The following KNDC1 variants were observed in gnomAD, a reference collection of about 807,000 sequenced individuals.
The protein encoded by KNDC1 is kinase non-catalytic C-lobe domain-containing protein 1.
A neutral mutation model predicts 172.8 loss-of-function variants in KNDC1; 106 were observed. That is an observed-to-expected ratio of 0.61 (90% CI 0.52 to 0.72). The LOEUF (loss-of-function observed/expected upper bound fraction) is 0.72. KNDC1 is among the 30% of genes least tolerant of loss of function. The pLI, the probability that KNDC1 is intolerant of heterozygous loss-of-function variation, is 0.00. For synonymous variants in KNDC1, 1,083 were observed against 1,062.2 expected (o/e 1.02, Z -0.38); for missense variants, 2,325 against 2,394.5 (o/e 0.97, Z 0.61).
At chr10:133,185,419 G>A (rs35630492) in intron 5 of KNDC1, among the ~76,000 whole-genome samples, 25 of 73,922 alleles carry the variant, frequency 3.4e-4, no homozygotes, top group East Asian at 4.9e-4. Flanking sequence ...TGTGCAGTGT[G>A]GAGTAGGCAG....
chr10:133,221,573 C>T (rs1319070062), intron 29 of KNDC1, among the ~76,000 whole-genome samples: 2 of 152,232 alleles, frequency 1.3e-5, no homozygotes, highest in Non-Finnish European at 2.9e-5. Flanking sequence ...GGAGGCTGCC[C>T]AGGCCACGGC....
rs772543348 is a variant in KNDC1, at chr10:133,212,702, G to A, written c.4237-14G>A. On this transcript the variant is annotated splice_polypyrimidine_tract_variant and intron_variant, in intron 23 of 29. Transcript: ENST00000304613. ...ACGGAGCTTAGGCCCCTCAGTGCCC[G>A]GCCTGCCCTGCAGAGCTTCCCCTGG... 19 of 1,610,248 alleles carry A rather than the reference G, an allele frequency of 1.2e-5. No individual in the cohort carries two copies. The highest frequency in any genetic ancestry group is 8.3e-5 in the Admixed American group (5 of 59,908).
chr10:133,183,761 T>C, intron 4 of KNDC1, 111 bp from the exon 5 acceptor site: 4 of 913,606 alleles, frequency 4.4e-6, no homozygotes, highest in South Asian at 1.7e-5. Context: ...GCAGGCAGGC[T>C]CTGGGGACTG....
chr10:133,169,333 G>A (rs760494574), intron 3 of KNDC1, among the ~76,000 whole-genome samples: 11 of 152,152 alleles, frequency 7.2e-5, no homozygotes, highest in African/African-American at 2.2e-4. Flanking sequence ...AGTGGTGCAC[G>A]CCTGTGGTCC....
rs754627990 is a variant in KNDC1, at chr10:133,183,406, A to G, written c.423A>G (p.Thr141=). 1 of 1,603,370 alleles carries G rather than the reference A, an allele frequency of 6.2e-7. No individual in the cohort carries two copies. Among genetic ancestry groups the G allele is most frequent in the African/African-American group, 1.3e-5 (1 of 74,964 alleles). The part of the protein sequence containing the change: ...KAALEYVAEP[T]LEPRLSQDLE... ...CCCTCGAGTACGTGGCAGAGCCCACACTGGAACCCAGGCTGAGCCAAGACC... is the reference window on the plus strand; with the variant it reads ...CCCTCGAGTACGTGGCAGAGCCCACGCTGGAACCCAGGCTGAGCCAAGACC... The change falls in exon 4 of 30, where the codon ACA becomes ACG. Residue 141 remains threonine, a synonymous_variant. Transcript: ENST00000304613.
At chr10:133,223,591 G>A (rs77686897) in intron 29 of KNDC1, among the ~76,000 whole-genome samples, 5 of 69,060 alleles carry the variant, frequency 7.2e-5, no homozygotes, top group Admixed American at 1.4e-4. Context: ...TCTTCCCGGC[G>A]TGTGTGTGTG....
At position 133,189,455 on chromosome 10, in the gene KNDC1, GCGTGCACTGGCAGGTGCGTGCC is replaced by G. The variant is rs999813752; in HGVS notation, c.1442-136_1442-115del. 9 of 744,042 alleles carry G rather than the reference GCGTGCACTGGCAGGTGCGTGCC, an allele frequency of 1.2e-5. No homozygotes were observed. The African/African-American group carries it at 1.4e-4, about 11-fold the overall frequency. 46.1% of individuals were successfully genotyped at this position (744,042 alleles called of 1,614,324 possible). Reference sequence around the variant, plus strand: ...CCCGGGGGCTGGGGTCAGGCCATGTGCGTGCACTGGCAGGTGCGTGCCCGTGCAATGGGGAGGCTGGGGGGCT... The same window carrying G: ...CCCGGGGGCTGGGGTCAGGCCATGTGCGTGCAATGGGGAGGCTGGGGGGCT... On this transcript the variant is annotated intron_variant, in intron 7 of 29. Coordinates refer to ENST00000304613, the MANE Select transcript of KNDC1 (RefSeq NM_152643.8).
At chr10:133,183,007 G>T (rs1853769183) in intron 3 of KNDC1, among the ~76,000 whole-genome samples, 4 of 151,404 alleles carry the variant, frequency 2.6e-5, no homozygotes, top group Non-Finnish European at 5.9e-5. Context: ...CAGGCGGCAA[G>T]GGCATGGGTG....
At position 133,195,735 on chromosome 10, in the gene KNDC1, G is replaced by T. The variant is rs149716790; in HGVS notation, c.1648G>T (p.Ala550Ser). ...KFSVPRNHKL[A>S]LPRRLKTLLL... ...CAGCGTCCCCCGCAACCACAAGCTG[G>T]CCCTGCCACGCAGGCTCAAGACCCT... Residue 550 changes from alanine to serine, a missense_variant, in exon 10 of 30, where the codon GCC becomes TCC. Coordinates refer to ENST00000304613, the MANE Select transcript of KNDC1 (RefSeq NM_152643.8). 1,374 of 1,611,986 alleles carry T rather than the reference G, an allele frequency of 8.5e-4. 15 individuals carry two copies. The African/African-American group carries it at 0.017, about 20-fold the overall frequency.
chr10:133,222,369 G>A (rs61860639), intron 29 of KNDC1, among the ~76,000 whole-genome samples: 50,282 of 149,418 alleles, frequency 0.34, 9,566 homozygotes, highest in Middle Eastern at 0.48. Flanking sequence ...GTCCACGTGC[G>A]TATGTGAGCG....
At chr10:133,191,208 ACG>A (rs1358754418) in intron 9 of KNDC1, among the ~76,000 whole-genome samples, 1 of 120,770 alleles carries the variant, frequency 8.3e-6, no homozygotes, top group Non-Finnish European at 1.8e-5. Context: ...GTGTGGTGGC[ACG>A]TGCCTGTAAT....
At position 133,183,306 on chromosome 10, in the gene KNDC1, G is replaced by A. The variant is rs370457700; in HGVS notation, c.361-38G>A. 38 of 1,555,420 alleles carry A rather than the reference G, an allele frequency of 2.4e-5. No individual in the cohort carries two copies. In the African/African-American group the frequency reaches 3.7e-4, roughly 15 times the overall value. On this transcript the variant is annotated intron_variant, in intron 3 of 29. Coordinates refer to ENST00000304613, the MANE Select transcript of KNDC1 (RefSeq NM_152643.8). The stretch of plus-strand genomic sequence containing the variant: ...TGGCCGCGGTCGGGGTGGCGCACAC[G>A]CAGAGACTCTGGAGCTGACAGCCTG...
Position 133,199,148 on chromosome 10 carries a change from T to C in KNDC1, c.2640T>C (p.Asp880=), listed in dbSNP as rs3008388. 732,856 of 1,586,990 alleles carry C rather than the reference T, an allele frequency of 0.46. 175,211 individuals are homozygous for C. Among genetic ancestry groups the C allele is most frequent in the East Asian group, 0.63 (26,757 of 42,614 alleles). ...ADRRLCLPCV[D]ASPLPGRTAC... The stretch of plus-strand genomic sequence containing the variant: ...GGAGGCTCTGTCTGCCCTGCGTGGA[T>C]GCCTCGCCACTCCCAGGGAGGACGG... The change falls in exon 14 of 30, where the codon GAT becomes GAC. Residue 880 remains aspartate, a synonymous_variant. Transcript: ENST00000304613.
intron 3 of KNDC1, chr10:133,173,813 G>A (rs968157159): frequency 1.3e-5 from 2 of 152,216 alleles, no homozygotes; most frequent in Admixed American, 6.5e-5. Flanking sequence ...CAGCATCACG[G>A]GTGTGAGATT....
rs908461381 is a variant in KNDC1, at chr10:133,201,871, C to T, written c.3360C>T (p.Asp1120=). 4.7e-5 allele frequency: 69 copies of T among 1,473,332 alleles called. No homozygotes were observed. The highest frequency in any genetic ancestry group is 7.9e-5 in the Admixed American group (3 of 37,974). 91.3% of individuals were successfully genotyped at this position (1,473,332 alleles called of 1,614,324 possible). A position where few individuals can be genotyped will look rare whatever the true frequency, so the allele number is the denominator to read the frequency against. The change falls in exon 17 of 30, where the codon GAC becomes GAT. Residue 1120 remains aspartate (D), a synonymous_variant. Transcript: ENST00000304613. ...YVKDLGRQQA[D]GALPDAQSPE... ...AGGACCTGGGGCGGCAGCAGGCGGA[C>T]GGGGCCCTGCCCGACGCCCAGAGCC...
intron 9 of KNDC1, among the ~76,000 whole-genome samples, chr10:133,193,328 C>T (rs1854109008): frequency 6.6e-6 from 1 of 152,138 alleles, no homozygotes; most frequent in Non-Finnish European, 1.5e-5. Context: ...AGTTTGAGAC[C>T]AGCCTGGCCA....
In KNDC1 at chr10:133,206,922, A is replaced by T. The variant is rs914034872; in HGVS notation, c.3548A>T (p.Gln1183Leu). Residue 1183 changes from glutamine to leucine, a missense_variant, in exon 19 of 30, where the codon CAA becomes CTA. Physicochemically the swap from Gln to Leu is moderately radical, Grantham distance 113. Coordinates refer to ENST00000304613, the MANE Select transcript of KNDC1 (RefSeq NM_152643.8). ...GQLEEMKSRV[Q>L]FLSLVKKYLQ... Reference sequence around the variant, plus strand: ...CTAGAAGAAATGAAATCCAGGGTGCAATTCCTCAGCTTGGTCAAGAAGTAT... The same window carrying T: ...CTAGAAGAAATGAAATCCAGGGTGCTATTCCTCAGCTTGGTCAAGAAGTAT... 3 of 1,613,950 alleles carry T rather than the reference A, an allele frequency of 1.9e-6. No individual in the cohort carries two copies. In the African/African-American group the frequency reaches 4.0e-5, roughly 22 times the overall value.
chr10:133,218,451 T>C (rs1476182775), intron 26 of KNDC1, among the ~76,000 whole-genome samples: 1 of 152,186 alleles, frequency 6.6e-6, no homozygotes, highest in Non-Finnish European at 1.5e-5. Flanking sequence ...GAGCTGCCTG[T>C]GGCTCCCCAT....
intron 14 of KNDC1, 46 bp downstream of exon 14, chr10:133,199,312 G>A (rs755319655): frequency 6.5e-7 from 1 of 1,543,672 alleles, no homozygotes; most frequent in Admixed American, 1.9e-5. Context: ...GGGCCAGGGA[G>A]AGCCCCACAG....
Sources: gnomAD v4.1 joint callset for allele counts (sites outside exome capture counted in the v4.1 genomes callset) on GRCh38, gnomAD v4.1.1 for gene constraint, MANE v1.5 for transcripts, NCBI Gene and HGNC (gene_info 2026-07-23, HGNC 2026-07-21) for gene names.